SUGCT: variants seen among roughly 807,000 people sequenced by gnomAD.
SUGCT encodes succinyl-CoA:glutarate CoA-transferase.
A neutral mutation model predicts 55.0 loss-of-function variants in SUGCT; 41 were observed. That is an observed-to-expected ratio of 0.74 (90% confidence interval 0.58 to 0.97). SUGCT has a LOEUF of 0.97. Among genes scored for constraint, SUGCT ranks in the 50% least tolerant of loss-of-function variants. The probability of loss-of-function intolerance (pLI) is 0.00; values close to 1 mark genes in which losing one functional copy is unlikely to be tolerated. For missense variants in SUGCT, 568 were observed against 547.8 expected (o/e 1.04, Z -0.37); for synonymous variants, 187 against 200.4 (o/e 0.93, Z 0.56).
At chr7:40,729,663 T>A (rs1309413451) in intron 12 of SUGCT, among the ~76,000 whole-genome samples, 1 of 152,198 alleles carries the variant, frequency 6.6e-6, no homozygotes, top group Admixed American at 6.5e-5. Context: ...TGGTCCATGC[T>A]AAATTTTGGA....
intron 12 of SUGCT, among the ~76,000 whole-genome samples, chr7:40,652,433 G>A (rs1446773380): frequency 6.6e-6 from 1 of 152,132 alleles, no homozygotes; most frequent in Non-Finnish European, 1.5e-5. Context: ...TCAAGGTTAT[G>A]TCTATCTCCA....
At chr7:40,893,352 G>T in the SUGCT span, among the ~76,000 whole-genome samples, 1 of 152,064 alleles carries the variant, frequency 6.6e-6, no homozygotes, top group African/African-American at 2.4e-5. Flanking sequence ...GATATAAAAA[G>T]AATATTCCAT....
At chr7:40,165,567 C>T (rs889210667) in intron 1 of SUGCT, among the ~76,000 whole-genome samples, 2 of 152,182 alleles carry the variant, frequency 1.3e-5, no homozygotes, top group Non-Finnish European at 2.9e-5. Flanking sequence ...CAACAAATTA[C>T]ATTACAATTT....
chr7:40,796,894 G>A (rs981695234), intron 13 of SUGCT, among the ~76,000 whole-genome samples: 1 of 152,222 alleles, frequency 6.6e-6, no homozygotes, highest in Non-Finnish European at 1.5e-5. Flanking sequence ...GACAGTTAGT[G>A]AAGGTCAGCC....
At chr7:40,471,349 AAAT>A (rs992531343) in intron 11 of SUGCT, among the ~76,000 whole-genome samples, 6 of 151,506 alleles carry the variant, frequency 4.0e-5, no homozygotes, top group Non-Finnish European at 7.4e-5. Context: ...TATAAAATTA[AAAT>A]AATAATATTT....
chr7:40,173,428 C>T (rs1784773333), intron 1 of SUGCT, among the ~76,000 whole-genome samples: 1 of 152,132 alleles, frequency 6.6e-6, no homozygotes, highest in Admixed American at 6.5e-5. Flanking sequence ...CAAACACGGA[C>T]CAGAAGAGTG....
chr7:40,189,636 TA>T, intron 5 of SUGCT, 42 bp downstream of exon 5: 1 of 1,146,682 alleles, frequency 8.7e-7, no homozygotes, highest in South Asian at 2.0e-5. Flanking sequence ...ACCTAGGTTA[TA>T]ATTAGGGTTT....
chr7:40,652,212 A>G (rs1377553444), intron 12 of SUGCT, among the ~76,000 whole-genome samples: 1 of 152,200 alleles, frequency 6.6e-6, no homozygotes, highest in Admixed American at 6.5e-5. Flanking sequence ...TTCAGTAAAT[A>G]AGGAAGCTAA....
At chr7:40,961,438 T>C in the SUGCT span, among the ~76,000 whole-genome samples, 1 of 152,204 alleles carries the variant, frequency 6.6e-6, no homozygotes, top group Non-Finnish European at 1.5e-5. Context: ...TCTTCTCTTT[T>C]GTGATCAATC....
chr7:40,375,634 C>G (rs543737040), intron 9 of SUGCT, among the ~76,000 whole-genome samples: 1 of 152,160 alleles, frequency 6.6e-6, no homozygotes, highest in Non-Finnish European at 1.5e-5. Context: ...TCCCAGACAA[C>G]CCTATCTAAA....
At chr7:40,928,984 G>A in the SUGCT span, among the ~76,000 whole-genome samples, 1 of 152,060 alleles carries the variant, frequency 6.6e-6, no homozygotes, top group Non-Finnish European at 1.5e-5. Context: ...TGCACAATGT[G>A]CAAGTTTGTT....
intron 13 of SUGCT, 113 bp downstream of exon 13, chr7:40,749,610 A>G: frequency 3.7e-6 from 3 of 802,170 alleles, no homozygotes; most frequent in Non-Finnish European, 6.3e-6. Context: ...CATTATCCAA[A>G]TTTATAACAT....
At chr7:40,295,963 C>T (rs940937580) in intron 8 of SUGCT, among the ~76,000 whole-genome samples, 1 of 152,132 alleles carries the variant, frequency 6.6e-6, no homozygotes, top group African/African-American at 2.4e-5. Flanking sequence ...AGGGCAGGTG[C>T]TTTCAGCCTT....
intron 11 of SUGCT, among the ~76,000 whole-genome samples, chr7:40,477,705 CTTT>C (rs1264804769): frequency 6.6e-6 from 1 of 151,940 alleles, no homozygotes; most frequent in East Asian, 1.9e-4. Context: ...TTGAAAATTT[CTTT>C]ATTTTAATAA....
intron 12 of SUGCT, among the ~76,000 whole-genome samples, chr7:40,665,087 G>C (rs1801545467): frequency 6.6e-6 from 1 of 151,898 alleles, no homozygotes; most frequent in Admixed American, 6.6e-5. Context: ...TGAACACCCT[G>C]GGGAATATAG....
At chr7:40,897,493 A>C in the SUGCT span, among the ~76,000 whole-genome samples, 1 of 151,728 alleles carries the variant, frequency 6.6e-6, no homozygotes, top group Non-Finnish European at 1.5e-5. Flanking sequence ...ACCTTCCAGC[A>C]CGTGAGGAAG....
chr7:40,725,576 C>CT (rs538978750), intron 12 of SUGCT, among the ~76,000 whole-genome samples: 149 of 142,890 alleles, frequency 1.0e-3, no homozygotes, highest in Admixed American at 1.5e-3. Context: ...CCTCTATTTT[C>CT]TTTTTTTTTT....
At chr7:40,253,606 A>C (rs1243309823) in intron 7 of SUGCT, among the ~76,000 whole-genome samples, 3 of 151,820 alleles carry the variant, frequency 2.0e-5, no homozygotes, top group African/African-American at 7.3e-5. Context: ...TCTGTTGCCC[A>C]GGCTGGAGTG....
the SUGCT span, among the ~76,000 whole-genome samples, chr7:40,946,444 G>T: frequency 6.6e-6 from 1 of 152,148 alleles, no homozygotes; most frequent in Non-Finnish European, 1.5e-5. Context: ...TTCCAAGAAG[G>T]AGTACAACTG....
Sources: gnomAD v4.1 joint callset for allele counts (sites outside exome capture counted in the v4.1 genomes callset) on GRCh38, gnomAD v4.1.1 for gene constraint, MANE v1.5 for transcripts, NCBI Gene and HGNC (gene_info 2026-07-23, HGNC 2026-07-21) for gene names.